Variants in XKR4 observed in about 807,000 individuals in gnomAD.
The protein encoded by XKR4 is XK-related protein 4.
In XKR4, 12 loss-of-function variants were observed where a neutral mutation model predicts 53.9. The ratio of observed to expected loss-of-function variants is 0.22; its 90% CI spans 0.14 to 0.36. XKR4 has a LOEUF of 0.36. XKR4 is among the 10% of genes least tolerant of loss of function. The probability of loss-of-function intolerance (pLI) is 1.00; values close to 1 mark genes in which losing one functional copy is unlikely to be tolerated. For synonymous variants in XKR4, 354 were observed against 362.4 expected (o/e 0.98, Z 0.26); for missense variants, 799 against 859.5 (o/e 0.93, Z 0.88).
intron 1 of XKR4, among the ~76,000 whole-genome samples, chr8:55,347,134 A>T (rs1477427529): frequency 1.3e-5 from 2 of 152,198 alleles, no homozygotes; most frequent in Admixed American, 1.3e-4. Flanking sequence ...TGTACTAGCT[A>T]TGTGATCTTT....
Position 55,349,717 on chromosome 8 carries a change from C to T in XKR4, c.807-7961C>T, listed in dbSNP as rs763964244. ...CTTAATAAGAATAAAAGTCACTAAT[C>T]GAACATGCATTTTGTCCACCCATAT... On this transcript the variant is annotated intron_variant, in intron 1 of 2. Coordinates refer to ENST00000327381, the MANE Select transcript of XKR4 (RefSeq NM_052898.2). 5.3e-5 allele frequency among the ~76,000 whole-genome samples: 8 copies of T among 152,054 alleles called. No individual in the cohort carries two copies. In the East Asian group the frequency reaches 7.7e-4, roughly 15 times the overall value.
At chr8:55,384,744 C>A (rs1037204505) in intron 2 of XKR4, among the ~76,000 whole-genome samples, 10 of 152,144 alleles carry the variant, frequency 6.6e-5, no homozygotes, top group South Asian at 2.1e-4. Flanking sequence ...GAAAACCAAC[C>A]CAAGCCAGTA....
chr8:55,324,913 A>G (rs1177589842), intron 1 of XKR4, among the ~76,000 whole-genome samples: 1 of 152,218 alleles, frequency 6.6e-6, no homozygotes, highest in Non-Finnish European at 1.5e-5. Context: ...TTTGCCTCCT[A>G]TACAAATATT....
At chr8:55,380,082 G>A (rs970513397) in intron 2 of XKR4, among the ~76,000 whole-genome samples, 3 of 152,180 alleles carry the variant, frequency 2.0e-5, no homozygotes, top group Admixed American at 6.5e-5. Context: ...ACACAGTCCC[G>A]TGGCAAAGGG....
At chr8:55,446,609 A>G (rs924526936) in intron 2 of XKR4, among the ~76,000 whole-genome samples, 3 of 152,134 alleles carry the variant, frequency 2.0e-5, no homozygotes, top group African/African-American at 7.2e-5. Context: ...TCGGCCTCCC[A>G]AAGTGCTGGG....
intron 2 of XKR4, among the ~76,000 whole-genome samples, chr8:55,476,348 C>T (rs1370919694): frequency 6.6e-6 from 1 of 152,010 alleles, no homozygotes; most frequent in Non-Finnish European, 1.5e-5. Context: ...GAATGCTCCC[C>T]CCAGAGGTCA....
chr8:55,378,077 C>G (rs934464283), intron 2 of XKR4, among the ~76,000 whole-genome samples: 1 of 152,116 alleles, frequency 6.6e-6, no homozygotes, highest in African/African-American at 2.4e-5. Flanking sequence ...TTGTTTGTCC[C>G]CATGAACAGT....
intron 1 of XKR4, among the ~76,000 whole-genome samples, chr8:55,168,851 A>G (rs551096007): frequency 6.6e-6 from 1 of 152,270 alleles, no homozygotes; most frequent in Admixed American, 6.5e-5. Context: ...CTCCAAGTGT[A>G]TATGCTGAAT....
At chr8:55,247,855 C>CTTTCTT (rs369983175) in intron 1 of XKR4, among the ~76,000 whole-genome samples, 9 of 59,888 alleles carry the variant, frequency 1.5e-4, no homozygotes, top group African/African-American at 3.1e-4. Context: ...TTCTTTCTTT[C>CTTTCTT]TTTTTTTTTT....
At chr8:55,413,476 T>C (rs1320247665) in intron 2 of XKR4, among the ~76,000 whole-genome samples, 1 of 152,214 alleles carries the variant, frequency 6.6e-6, no homozygotes, top group Non-Finnish European at 1.5e-5. Context: ...TCCACCTGCC[T>C]TGGCCTCCCA....
At chr8:55,451,636 CGCTGCAGGGCGTTGTCCTGG>C in intron 2 of XKR4, 3 of 1,549,176 alleles carry the variant, frequency 1.9e-6, no homozygotes, top group Non-Finnish European at 2.6e-6. Context: ...GTAGGACACG[CGCTGCAGGGCGTTGTCCTGG>C]ACACTCTGGG....
chr8:55,366,087 G>A (rs977505405), intron 2 of XKR4, among the ~76,000 whole-genome samples: 1 of 152,244 alleles, frequency 6.6e-6, no homozygotes, highest in Non-Finnish European at 1.5e-5. Flanking sequence ...CTGGAGACAG[G>A]CGCTGTGGAG....
intron 2 of XKR4, among the ~76,000 whole-genome samples, chr8:55,490,778 A>G (rs1876234): frequency 0.43 from 64,789 of 151,994 alleles, 15,398 homozygotes; most frequent in African/African-American, 0.64. Context: ...GCAATTTAAT[A>G]CAAAGTACTT....
chr8:55,526,818 G>A lies in XKR4; in HGVS notation c.*2591G>A, dbSNP rs890826641. The A allele has an allele frequency of 7.2e-5, 11 of 152,254 alleles. No homozygotes were observed. The highest frequency in any genetic ancestry group is 1.3e-4 in the Admixed American group (2 of 15,296). 9.4% of individuals were successfully genotyped at this position (152,254 alleles called of 1,614,324 possible). Reference sequence around the variant, plus strand: ...TGTTAAGAGTCAGAATGAATACTATGTCAATGAAAAATGATGTACTGTGCT... The same window carrying A: ...TGTTAAGAGTCAGAATGAATACTATATCAATGAAAAATGATGTACTGTGCT... On this transcript the variant is annotated 3_prime_UTR_variant, in exon 3 of 3. Transcript: ENST00000327381.
intron 1 of XKR4, among the ~76,000 whole-genome samples, chr8:55,178,069 T>A (rs1817256790): frequency 6.6e-6 from 1 of 152,236 alleles, no homozygotes; most frequent in Admixed American, 6.5e-5. Flanking sequence ...CTGTCAGCAA[T>A]TTCTGCATTG....
intron 2 of XKR4, among the ~76,000 whole-genome samples, chr8:55,399,708 G>A (rs1474740949): frequency 6.6e-6 from 1 of 152,234 alleles, no homozygotes; most frequent in African/African-American, 2.4e-5. Flanking sequence ...AGGGCAGCCT[G>A]GCTGGATAAT....
At position 55,247,833 on chromosome 8, in the gene XKR4, C is replaced by A. The variant is rs1818303887; in HGVS notation, c.807-109845C>A. Among the ~76,000 whole-genome samples, 3 of 58,182 alleles carry A rather than the reference C, an allele frequency of 5.2e-5. No individual in the cohort carries two copies. The Admixed American group carries it at 5.2e-4, about 10-fold the overall frequency. 38.2% of individuals were successfully genotyped at this position (58,182 alleles called of 152,430 possible). On this transcript the variant is annotated intron_variant, in intron 1 of 2. Transcript: ENST00000327381. ...ACTTACATTATTAATTTTAATTTTT[C>A]TTTTTCTTTCTTTCTTTCTTTCTTT...
intron 1 of XKR4, among the ~76,000 whole-genome samples, chr8:55,300,761 G>A (rs982145137): frequency 6.6e-6 from 1 of 152,154 alleles, no homozygotes; most frequent in Non-Finnish European, 1.5e-5. Flanking sequence ...CAAGACAAGA[G>A]TCAGGCAGGA....
intron 2 of XKR4, among the ~76,000 whole-genome samples, chr8:55,438,783 T>G (rs773249753): frequency 6.6e-6 from 1 of 152,112 alleles, no homozygotes; most frequent in African/African-American, 2.4e-5. Flanking sequence ...TATTGAGACA[T>G]AGCTGAGTTG....
Sources: gnomAD v4.1 joint callset for allele counts (sites outside exome capture counted in the v4.1 genomes callset) on GRCh38, gnomAD v4.1.1 for gene constraint, MANE v1.5 for transcripts, NCBI Gene and HGNC (gene_info 2026-07-23, HGNC 2026-07-21) for gene names.